The following SYNE1 variants were observed in gnomAD, a reference collection of about 807,000 sequenced individuals.
SYNE1 encodes spectrin repeat containing nuclear envelope protein 1.
Under a neutral mutation model 1,111.0 loss-of-function variants are expected in SYNE1, and 616 were observed. The observed-to-expected ratio is 0.55, with a 90% CI of 0.52 to 0.59. The LOEUF (loss-of-function observed/expected upper bound fraction) is 0.59, where lower values mean the gene tolerates loss of function less well. Among genes scored for constraint, SYNE1 ranks in the 20% least tolerant of loss-of-function variants. The pLI, the probability that SYNE1 is intolerant of heterozygous loss-of-function variation, is 0.00. For synonymous variants in SYNE1, 3,855 were observed against 3,825.8 expected, an observed-to-expected ratio of 1.01 and a Z score of -0.28; for missense variants, 10,006 against 10,417.0, an observed-to-expected ratio of 0.96 and a Z score of 1.72.
chr6:152,536,752 C>A (rs2496124), intron 4 of SYNE1, among the ~76,000 whole-genome samples: 33,237 of 151,702 alleles, frequency 0.22, 3,748 homozygotes, highest in Middle Eastern at 0.32. Context: ...CCTTCCCCTC[C>A]AAGATTCCAA....
In SYNE1 at chr6:152,508,086, G is replaced by A. The variant is rs571152750; in HGVS notation, c.581+2107C>T. ...ATAACATCACTCATACCTCAAAATG[G>A]ATACAGATTCTAAAGTCTTTTACAC... is the stretch of plus-strand genomic sequence containing the variant. On this transcript the variant is annotated intron_variant, in intron 8 of 145. Coordinates refer to ENST00000367255, the MANE Select transcript of SYNE1 (RefSeq NM_182961.4). Among the ~76,000 whole-genome samples the A allele has an allele frequency of 3.3e-5, 5 of 152,096 alleles. No individual in the cohort carries two copies. The South Asian group carries it at 6.2e-4, about 19-fold the overall frequency.
chr6:152,492,975 G>T (rs577933190), intron 11 of SYNE1, among the ~76,000 whole-genome samples: 192 of 152,160 alleles, frequency 1.3e-3, no homozygotes, highest in African/African-American at 4.4e-3. Flanking sequence ...ATTAGATCAA[G>T]ACATTTTAAG....
At chr6:152,447,684 A>G in intron 28 of SYNE1, 62 bp from the exon 29 acceptor site, 3 of 1,603,588 alleles carry the variant, frequency 1.9e-6, no homozygotes, top group Non-Finnish European at 2.6e-6. Flanking sequence ...CTTTCCAGCA[A>G]TAAAGGACTC....
rs767663894 is a variant in SYNE1, at chr6:152,122,657, C to T, written c.26173G>A (p.Asp8725Asn). Residue 8725 changes from aspartate (D) to asparagine (N), a missense_variant, in exon 146 of 146, where the codon GAT (aspartate) becomes AAT (asparagine). Transcript: ENST00000367255. ...PHSRSTKGGSDSSLSEPGPGR... is the reference protein window; with the variant it reads ...PHSRSTKGGSNSSLSEPGPGR... Reference sequence around the variant, plus strand: ...GGCCCTGGCTCAGAAAGGGAGGAATCGGAGCCACCTTTTGTGGACCTGAGA... The same window carrying T: ...GGCCCTGGCTCAGAAAGGGAGGAATTGGAGCCACCTTTTGTGGACCTGAGA... The T allele has an allele frequency of 9.3e-6, 15 of 1,613,884 alleles. No homozygotes were observed. In the East Asian group the frequency reaches 2.7e-4, roughly 29 times the overall value.
intron 2 of SYNE1, among the ~76,000 whole-genome samples, chr6:152,631,357 C>G (rs2099697673): frequency 1.3e-5 from 2 of 152,112 alleles, no homozygotes; most frequent in African/African-American, 4.8e-5. Context: ...CACTGAGAAA[C>G]TCTACAAGGT....
chr6:152,536,398 A>ATAGTTATATATATAT (rs71017541), intron 4 of SYNE1, among the ~76,000 whole-genome samples: 2 of 129,378 alleles, frequency 1.5e-5, no homozygotes, highest in African/African-American at 3.0e-5. Context: ...ATTTATATAT[A>ATAGTTATATATATAT]TACTATATAT....
At chr6:152,470,733 A>C (rs1593359524) in intron 16 of SYNE1, among the ~76,000 whole-genome samples, 1 of 152,222 alleles carries the variant, frequency 6.6e-6, no homozygotes, top group Non-Finnish European at 1.5e-5. Context: ...TAATCAAGTT[A>C]CAAATGGGTT....
chr6:152,584,585 G>T (rs2128455699), intron 3 of SYNE1, among the ~76,000 whole-genome samples: 1 of 152,068 alleles, frequency 6.6e-6, no homozygotes, highest in African/African-American at 2.4e-5. Context: ...TTGATTTTTA[G>T]TAGAGACGAG....
chr6:152,145,374 G>A (rs1586111714), intron 137 of SYNE1: 2 of 976,786 alleles, frequency 2.0e-6, no homozygotes, highest in South Asian at 2.7e-5. Context: ...GAGGAAGGCT[G>A]TGCCTTAACA....
At chr6:152,289,477 A>C (rs1043381214) in intron 95 of SYNE1, among the ~76,000 whole-genome samples, 41 of 152,072 alleles carry the variant, frequency 2.7e-4, no homozygotes, top group African/African-American at 9.9e-4. Flanking sequence ...TGTAACCTCC[A>C]CCTTCCAGGT....
At chr6:152,423,219 A>G (rs1016283618) in intron 39 of SYNE1, among the ~76,000 whole-genome samples, 3 of 152,276 alleles carry the variant, frequency 2.0e-5, no homozygotes. Context: ...TTAACATGAA[A>G]ACCTGTTTTG....
intron 3 of SYNE1, among the ~76,000 whole-genome samples, chr6:152,608,129 C>T (rs3108458): frequency 0.7 from 106,241 of 151,946 alleles, 37,209 homozygotes; most frequent in East Asian, 0.8. Flanking sequence ...CCTGCACATT[C>T]GGCACATGTA....
In SYNE1 at chr6:152,407,214, G is replaced by C; in HGVS notation, c.6541-18C>G. The C allele has an allele frequency of 6.2e-7, 1 of 1,612,828 alleles. No homozygotes were observed. The highest frequency in any genetic ancestry group is 8.5e-7 in the Non-Finnish European group (1 of 1,179,384). ...TCTGATACCTAGGAGAGAAACAGAA[G>C]CCATGGCATTCATAGTCAGAGGCGT... On this transcript the variant is annotated intron_variant, in intron 44 of 145. Coordinates refer to ENST00000367255, the MANE Select transcript of SYNE1 (RefSeq NM_182961.4).
At chr6:152,348,263 A>C (rs1211221620) in intron 72 of SYNE1, among the ~76,000 whole-genome samples, 2 of 152,226 alleles carry the variant, frequency 1.3e-5, no homozygotes, top group Non-Finnish European at 2.9e-5. Flanking sequence ...CAACACAGTC[A>C]AGGTATGGCA....
At chr6:152,413,638 A>T in intron 41 of SYNE1, 107 bp from the exon 42 acceptor site, 1 of 1,150,208 alleles carries the variant, frequency 8.7e-7, no homozygotes, top group Non-Finnish European at 1.3e-6. Context: ...TTAGACAGCT[A>T]GAAAAACTTT....
intron 21 of SYNE1, 52 bp downstream of exon 21, chr6:152,461,545 G>C: frequency 6.2e-7 from 1 of 1,611,910 alleles, no homozygotes; most frequent in East Asian, 2.2e-5. Context: ...CAAGCAAGCT[G>C]AAGGCACTGT....
chr6:152,367,263 C>A lies in SYNE1; in HGVS notation c.9927G>T (p.Pro3309=), dbSNP rs140830584. The change falls in exon 62 of 146, where the codon CCG becomes CCT. Residue 3309 remains proline, a synonymous_variant. Coordinates refer to ENST00000367255, the MANE Select transcript of SYNE1 (RefSeq NM_182961.4). ...AIHMLDSYCH[P]TSDKSVLDSR... ...TGTCCAGCACACTTTTGTCGGATGT[C>A]GGGTGGCAGTATGAATCCAGCATGT... 6.2e-7 allele frequency: 1 copy of A among 1,614,190 alleles called. No homozygotes were observed. Among genetic ancestry groups the A allele is most frequent in the Admixed American group, 1.7e-5 (1 of 60,022 alleles).
At chr6:152,540,579 C>T (rs931401066) in intron 3 of SYNE1, among the ~76,000 whole-genome samples, 1 of 152,218 alleles carries the variant, frequency 6.6e-6, no homozygotes, top group South Asian at 2.1e-4. Flanking sequence ...ATGGAGTCCC[C>T]ATTTTTGTGT....
chr6:152,440,025 C>G (rs1399173996), intron 32 of SYNE1, among the ~76,000 whole-genome samples: 1 of 152,168 alleles, frequency 6.6e-6, no homozygotes, highest in Non-Finnish European at 1.5e-5. Context: ...TCCCCCATCT[C>G]ACTTCCATTG....
Sources: allele counts gnomAD v4.1 joint callset (sites outside exome capture counted in the v4.1 genomes callset), GRCh38; gene constraint gnomAD v4.1.1; transcripts MANE v1.5; gene names NCBI Gene and HGNC (gene_info 2026-07-23, HGNC 2026-07-21).